Variants in BAIAP2 observed in about 807,000 individuals in gnomAD.
BAIAP2 encodes BAR/IMD domain containing adaptor protein 2, also known as BAR/IMD domain-containing adapter protein 2.
A neutral mutation model predicts 63.0 loss-of-function variants in BAIAP2; 18 were observed. The observed-to-expected ratio is 0.29, with a 90% CI of 0.20 to 0.42. The LOEUF (loss-of-function observed/expected upper bound fraction) is 0.42, where lower values mean the gene tolerates loss of function less well. Among genes scored for constraint, BAIAP2 ranks in the 10% least tolerant of loss-of-function variants. The pLI is 1.00. For synonymous variants in BAIAP2, 386 were observed against 307.6 expected (o/e 1.25, Z -2.67); for missense variants, 610 against 734.3 (o/e 0.83, Z 1.96).
chr17:81,038,135 T>G (rs2046548559), intron 1 of BAIAP2, among the ~76,000 whole-genome samples: 1 of 152,232 alleles, frequency 6.6e-6, no homozygotes, highest in African/African-American at 2.4e-5. Context: ...CAGCGCTTGC[T>G]CAGGTTGCCC....
intron 3 of BAIAP2, among the ~76,000 whole-genome samples, chr17:81,065,610 C>T (rs2051325463): frequency 6.6e-6 from 1 of 152,336 alleles, no homozygotes; most frequent in Admixed American, 6.5e-5. Context: ...CACACCCCTC[C>T]ACCCCCTTGC....
intron 6 of BAIAP2, chr17:81,097,991 C>T (rs887681652): frequency 9.7e-6 from 7 of 718,184 alleles, no homozygotes; most frequent in Admixed American, 4.3e-5. Context: ...GTTCTGGAAT[C>T]GGGAACCCCG....
At chr17:81,043,152 C>T (rs974681241) in intron 1 of BAIAP2, among the ~76,000 whole-genome samples, 2 of 152,196 alleles carry the variant, frequency 1.3e-5, no homozygotes, top group African/African-American at 4.8e-5. Context: ...CAGGCGTGAG[C>T]CACTGCATCC....
At chr17:81,094,791 C>G (rs2057355100) in intron 6 of BAIAP2, among the ~76,000 whole-genome samples, 1 of 152,240 alleles carries the variant, frequency 6.6e-6, no homozygotes, top group African/African-American at 2.4e-5. Flanking sequence ...TCTCACCCCA[C>G]ACACCACAGC....
intron 1 of BAIAP2, among the ~76,000 whole-genome samples, chr17:81,037,169 G>A (rs537893965): frequency 4.6e-5 from 7 of 152,332 alleles, no homozygotes; most frequent in East Asian, 1.9e-4. Flanking sequence ...TCTGGAGCAC[G>A]TGAAACACAC....
At chr17:81,085,462 G>GCAC in intron 4 of BAIAP2, 192 bp from the exon 5 acceptor site, 1 of 698,260 alleles carries the variant, frequency 1.4e-6, no homozygotes, top group Non-Finnish European at 2.6e-6. Context: ...CTCCTGTTCA[G>GCAC]CACTCGCTCC....
At chr17:81,094,742 C>T (rs2057349690) in intron 6 of BAIAP2, among the ~76,000 whole-genome samples, 1 of 152,218 alleles carries the variant, frequency 6.6e-6, no homozygotes, top group South Asian at 2.1e-4. Context: ...CTGCAGCCTG[C>T]AGGTGGCCAG....
chr17:81,057,055 T>G (rs567504734), intron 2 of BAIAP2, among the ~76,000 whole-genome samples: 1 of 152,386 alleles, frequency 6.6e-6, no homozygotes, highest in East Asian at 1.9e-4. Flanking sequence ...AAATAAAATC[T>G]GATAAAGTGC....
chr17:81,086,296 G>A (rs1056275669), intron 5 of BAIAP2, 147 bp from the exon 6 acceptor site: 4 of 999,894 alleles, frequency 4.0e-6, no homozygotes, highest in African/African-American at 3.2e-5. Context: ...GAGCATGCAC[G>A]GCCAGAGAGC....
chr17:81,100,792 C>T (rs1240633935), intron 7 of BAIAP2, among the ~76,000 whole-genome samples: 3 of 152,142 alleles, frequency 2.0e-5, no homozygotes, highest in Non-Finnish European at 4.4e-5. Flanking sequence ...CAGTCCCTCC[C>T]TCACTGCTCC....
At chr17:81,113,304 TC>T (rs2060124682) in intron 13 of BAIAP2, among the ~76,000 whole-genome samples, 1 of 152,188 alleles carries the variant, frequency 6.6e-6, no homozygotes, top group Non-Finnish European at 1.5e-5. Flanking sequence ...ATTGGGTAGT[TC>T]GTGGCAATCG....
At chr17:81,043,725 C>T (rs1568062313) in intron 1 of BAIAP2, among the ~76,000 whole-genome samples, 2 of 152,202 alleles carry the variant, frequency 1.3e-5, no homozygotes, top group South Asian at 2.1e-4. Flanking sequence ...CCCTGCCTGA[C>T]AGGGGATCCT....
chr17:81,074,888 G>A (rs1356646349), intron 3 of BAIAP2, among the ~76,000 whole-genome samples: 4 of 152,230 alleles, frequency 2.6e-5, no homozygotes, highest in South Asian at 2.1e-4. Flanking sequence ...AGGGAACCTC[G>A]GCGAAGTGAA....
intron 3 of BAIAP2, among the ~76,000 whole-genome samples, chr17:81,066,912 C>T (rs1322938735): frequency 6.6e-6 from 1 of 152,258 alleles, no homozygotes; most frequent in Non-Finnish European, 1.5e-5. Context: ...ATGACACCTG[C>T]TTTCAGGCCC....
intron 1 of BAIAP2, among the ~76,000 whole-genome samples, chr17:81,041,217 C>T (rs2047026777): frequency 6.6e-6 from 1 of 152,238 alleles, no homozygotes; most frequent in Non-Finnish European, 1.5e-5. Flanking sequence ...TGGCCAGTCC[C>T]CTGGCCATAT....
Position 81,104,027 on chromosome 17 carries a change from T to A in BAIAP2, c.985T>A (p.Ser329Thr). The change falls in exon 9 of 14, where the codon TCT (serine) becomes ACT (threonine). Residue 329 changes from serine (S) to threonine (T), a missense_variant. Physicochemically the swap from Ser to Thr is moderately conservative, Grantham distance 58 (BLOSUM62 1). Transcript: ENST00000428708. ...AQPKSLSPPQSQSKLSDSYSN... is the reference protein window; with the variant it reads ...AQPKSLSPPQTQSKLSDSYSN... ...GCCCAAATCCCTGTCTCCTCCGCAG[T>A]CTCAGAGCAAGCTCAGCGACTCCTA... 6.2e-7 allele frequency: 1 copy of A among 1,613,240 alleles called. No individual in the cohort carries two copies. The highest frequency in any genetic ancestry group is 1.6e-4 in the Middle Eastern group (1 of 6,062).
chr17:81,061,605 T>C (rs1165577381), intron 3 of BAIAP2, among the ~76,000 whole-genome samples: 1 of 152,232 alleles, frequency 6.6e-6, no homozygotes, highest in African/African-American at 2.4e-5. Context: ...GTCAGGAATT[T>C]GTTGCATTTC....
At chr17:81,101,174 C>T (rs2058437838) in intron 7 of BAIAP2, among the ~76,000 whole-genome samples, 2 of 152,166 alleles carry the variant, frequency 1.3e-5, no homozygotes. Context: ...CATCCCCAGC[C>T]TTGTCGTTCC....
chr17:81,097,843 C>T (rs2057892505), intron 6 of BAIAP2: 2 of 332,950 alleles, frequency 6.0e-6, no homozygotes, highest in Non-Finnish European at 5.4e-6. Context: ...AGGGTCTGTG[C>T]CTCGGGTGCT....
Sources: allele counts gnomAD v4.1 joint callset (sites outside exome capture counted in the v4.1 genomes callset), GRCh38; gene constraint gnomAD v4.1.1; transcripts MANE v1.5; gene names NCBI Gene and HGNC (gene_info 2026-07-23, HGNC 2026-07-21).